The following RPS6KA2 variants were observed in gnomAD, a reference collection of about 807,000 sequenced individuals.
RPS6KA2 encodes ribosomal protein S6 kinase alpha-2.
In RPS6KA2, 42 loss-of-function variants were observed where a neutral mutation model predicts 91.8. The observed-to-expected ratio is 0.46, with a 90% confidence interval of 0.36 to 0.59. The LOEUF (loss-of-function observed/expected upper bound fraction) is 0.59, where lower values mean the gene tolerates loss of function less well. RPS6KA2 is among the 20% of genes least tolerant of loss of function. The probability of loss-of-function intolerance (pLI) is 0.00; values close to 1 mark genes in which losing one functional copy is unlikely to be tolerated. For synonymous variants in RPS6KA2, 414 were observed against 393.6 expected (o/e 1.05, Z -0.61); for missense variants, 798 against 978.5 (o/e 0.82, Z 2.46).
intron 2 of RPS6KA2, among the ~76,000 whole-genome samples, chr6:166,534,245 A>G (rs79260096): frequency 2.7e-5 from 4 of 149,892 alleles, no homozygotes; most frequent in African/African-American, 7.4e-5. Context: ...AAAAAAAAAA[A>G]AGAAAGAAAA....
chr6:166,465,860 G>A (rs927713977), intron 11 of RPS6KA2, among the ~76,000 whole-genome samples: 1 of 152,146 alleles, frequency 6.6e-6, no homozygotes, highest in Non-Finnish European at 1.5e-5. Context: ...GCACCACCAG[G>A]GTGAGCACCA....
intron 10 of RPS6KA2, among the ~76,000 whole-genome samples, chr6:166,473,102 T>C (rs1328102763): frequency 6.6e-6 from 1 of 152,192 alleles, no homozygotes; most frequent in African/African-American, 2.4e-5. Flanking sequence ...GGTCTGTGTC[T>C]CCAATTGCTG....
Position 166,490,659 on chromosome 6 carries a change from C to G in RPS6KA2, c.818+12G>C, listed in dbSNP as rs1562530127. The G allele has an allele frequency of 6.2e-7, 1 of 1,602,130 alleles. No homozygotes were observed. Among genetic ancestry groups the G allele is most frequent in the Non-Finnish European group, 8.5e-7 (1 of 1,171,958 alleles). ...GCTCGCAGGTCTCTGGGGTGGCTCC[C>G]ACACTACTCACTTGAGGATGAGAGC... On this transcript the variant is annotated intron_variant, in intron 9 of 20. Transcript: ENST00000265678. This position sits in a 1 kb window ranked among gnomAD's most constrained non-coding sequence, Gnocchi z 4.2.
intron 1 of RPS6KA2, among the ~76,000 whole-genome samples, chr6:166,594,206 A>G (rs1292884633): frequency 6.6e-6 from 1 of 152,236 alleles, no homozygotes; most frequent in Non-Finnish European, 1.5e-5. Context: ...GTGATATGAA[A>G]CAGTTTCTAG....
intron 10 of RPS6KA2, among the ~76,000 whole-genome samples, chr6:166,486,385 G>C (rs1337298562): frequency 1.3e-5 from 2 of 152,168 alleles, no homozygotes. Context: ...TCCATCCTGG[G>C]CCTCCCATCT....
At chr6:166,615,165 T>G (rs1156614423) in intron 1 of RPS6KA2, among the ~76,000 whole-genome samples, 1 of 152,214 alleles carries the variant, frequency 6.6e-6, no homozygotes, top group Non-Finnish European at 1.5e-5. Flanking sequence ...GCACCTTTTT[T>G]CAGAAGTTCA....
chr6:166,527,469 G>A (rs898034799), intron 3 of RPS6KA2, among the ~76,000 whole-genome samples: 1 of 152,278 alleles, frequency 6.6e-6, no homozygotes, highest in East Asian at 1.9e-4. Flanking sequence ...GTGTTTGAGA[G>A]CAAATCTCAA....
chr6:166,813,012 C>A (rs1030030545), intron 2 of RPS6KA2, among the ~76,000 whole-genome samples: 1 of 152,172 alleles, frequency 6.6e-6, no homozygotes, highest in Non-Finnish European at 1.5e-5. Context: ...TTAACCCAAA[C>A]TAAATCCTGA....
At chr6:166,659,895 T>C (rs1457183382) in intron 2 of RPS6KA2, among the ~76,000 whole-genome samples, 5 of 151,944 alleles carry the variant, frequency 3.3e-5, no homozygotes, top group Admixed American at 6.6e-5. Flanking sequence ...TCCAAGTAAA[T>C]TAAGAATGTT....
At chr6:166,738,755 A>G (rs760086851) in intron 2 of RPS6KA2, among the ~76,000 whole-genome samples, 1 of 152,232 alleles carries the variant, frequency 6.6e-6, no homozygotes, top group East Asian at 1.9e-4. Flanking sequence ...AACTGGAAAG[A>G]TATCAATCCA....
At chr6:166,469,687 C>G (rs1334785186) in intron 11 of RPS6KA2, among the ~76,000 whole-genome samples, 154 bp downstream of exon 11, 1 of 152,168 alleles carries the variant, frequency 6.6e-6, no homozygotes, top group Non-Finnish European at 1.5e-5. Flanking sequence ...TCAGCAGGGT[C>G]CTGGGGGCTC....
In RPS6KA2 at chr6:166,478,130, G is replaced by A. The variant is rs146464875; in HGVS notation, c.908-8225C>T. Among the ~76,000 whole-genome samples, 1,408 of 152,326 alleles carry A rather than the reference G, an allele frequency of 9.2e-3. 6 individuals are homozygous for A. Among genetic ancestry groups the A allele is most frequent in the Non-Finnish European group, 0.015 (1,044 of 68,038 alleles). ...ATGTGGCCCCACAGGTGGTGACTGCGGCAGCTCGGCTGGGCGGGGGCGGTT... is the reference window on the plus strand; with the variant it reads ...ATGTGGCCCCACAGGTGGTGACTGCAGCAGCTCGGCTGGGCGGGGGCGGTT... On this transcript the variant is annotated intron_variant, in intron 10 of 20. Coordinates refer to ENST00000265678, the MANE Select transcript of RPS6KA2 (RefSeq NM_021135.6).
At chr6:166,486,400 G>A (rs927075898) in intron 10 of RPS6KA2, among the ~76,000 whole-genome samples, 2 of 152,132 alleles carry the variant, frequency 1.3e-5, no homozygotes, top group African/African-American at 4.8e-5. Context: ...CCATCTCATT[G>A]TCGCCCCCAG....
chr6:166,530,410 C>T (rs542920199), intron 3 of RPS6KA2, among the ~76,000 whole-genome samples: 3 of 152,232 alleles, frequency 2.0e-5, no homozygotes, highest in Admixed American at 6.5e-5. Context: ...CCAGGGGCCA[C>T]GTGACCCTCC....
At chr6:166,592,464 A>G (rs945539368) in intron 1 of RPS6KA2, among the ~76,000 whole-genome samples, 3 of 152,216 alleles carry the variant, frequency 2.0e-5, no homozygotes, top group African/African-American at 4.8e-5. Flanking sequence ...GTGAGAACTT[A>G]CTAGTTATTC....
chr6:166,425,869 C>T (rs1375036715), intron 16 of RPS6KA2, among the ~76,000 whole-genome samples: 1 of 152,140 alleles, frequency 6.6e-6, no homozygotes, highest in African/African-American at 2.4e-5. Flanking sequence ...TTTAACACCC[C>T]ACTGTCAACA....
intron 2 of RPS6KA2, among the ~76,000 whole-genome samples, chr6:166,795,076 C>T (rs1178870262): frequency 1.3e-5 from 2 of 151,750 alleles, no homozygotes; most frequent in African/African-American, 4.8e-5. Flanking sequence ...AATGTTTATA[C>T]TTTTGTATAT....
At chr6:166,484,070 C>G (rs571626090) in intron 10 of RPS6KA2, among the ~76,000 whole-genome samples, 3 of 152,236 alleles carry the variant, frequency 2.0e-5, no homozygotes, top group Non-Finnish European at 4.4e-5. Flanking sequence ...GCGTGACATG[C>G]CCGCAAACCT....
At chr6:166,785,253 A>G (rs1449813176) in intron 2 of RPS6KA2, among the ~76,000 whole-genome samples, 1 of 152,278 alleles carries the variant, frequency 6.6e-6, no homozygotes, top group African/African-American at 2.4e-5. Flanking sequence ...CAGGGGAGGG[A>G]CTTGGCGCTT....
Sources: allele counts gnomAD v4.1 joint callset (sites outside exome capture counted in the v4.1 genomes callset), GRCh38; gene constraint gnomAD v4.1.1; non-coding constraint Gnocchi (gnomAD v3.1); transcripts MANE v1.5; gene names NCBI Gene and HGNC (gene_info 2026-07-23, HGNC 2026-07-21).